KDM4C: variants seen among roughly 807,000 people sequenced by gnomAD.
The protein encoded by KDM4C is lysine-specific demethylase 4C.
KDM4C carries 81 observed loss-of-function variants against 129.3 expected under a neutral mutation model. That is an observed-to-expected ratio of 0.63 (90% CI 0.52 to 0.75). The LOEUF (loss-of-function observed/expected upper bound fraction) is 0.75, where lower values mean the gene tolerates loss of function less well. Among genes scored for constraint, KDM4C ranks in the 30% least tolerant of loss-of-function variants. The probability of loss-of-function intolerance (pLI) is 0.00; values close to 1 mark genes in which losing one functional copy is unlikely to be tolerated. For synonymous variants in KDM4C, 573 were observed against 456.1 expected, an observed-to-expected ratio of 1.26 and a Z score of -3.26; for missense variants, 1,457 against 1,304.0, an observed-to-expected ratio of 1.12 and a Z score of -1.81.
At chr9:7,115,976 A>G (rs1461342895) in intron 18 of KDM4C, among the ~76,000 whole-genome samples, 3 of 152,200 alleles carry the variant, frequency 2.0e-5, no homozygotes, top group Non-Finnish European at 4.4e-5. Context: ...GAAGTGTCAC[A>G]TGTCCTTTCT....
At chr9:6,886,153 T>A (rs1845223718) in intron 6 of KDM4C, among the ~76,000 whole-genome samples, 1 of 152,154 alleles carries the variant, frequency 6.6e-6, no homozygotes, top group African/African-American at 2.4e-5. Context: ...GACATCTTGT[T>A]GTGTGGACAT....
chr9:6,934,963 C>T (rs987233567), intron 8 of KDM4C, among the ~76,000 whole-genome samples: 2 of 150,662 alleles, frequency 1.3e-5, no homozygotes, highest in Non-Finnish European at 1.5e-5. Flanking sequence ...TTTTTTCTTT[C>T]AGTAGTGATT....
At chr9:6,746,446 T>G (rs1817878171) in intron 1 of KDM4C, among the ~76,000 whole-genome samples, 1 of 149,156 alleles carries the variant, frequency 6.7e-6, no homozygotes, top group Non-Finnish European at 1.5e-5. Flanking sequence ...TTTTTGTATT[T>G]TTAGTAGAGA....
In KDM4C at chr9:6,976,639, C is replaced by T. The variant is rs375367395; in HGVS notation, c.922-4286C>T. Among the ~76,000 whole-genome samples, 3 of 152,148 alleles carry T rather than the reference C, an allele frequency of 2.0e-5. No individual in the cohort carries two copies. The East Asian group carries it at 5.8e-4, about 29-fold the overall frequency. ...GCCTTTTTCATGCTGTAGTTCTGAT[C>T]TAATGTGATTTGATTGTGCCTCAAA... is the stretch of plus-strand genomic sequence containing the variant. On this transcript the variant is annotated intron_variant, in intron 8 of 21. Coordinates refer to ENST00000381309, the MANE Select transcript of KDM4C (RefSeq NM_015061.6).
At chr9:6,902,001 C>A (rs971378161) in intron 8 of KDM4C, among the ~76,000 whole-genome samples, 2 of 152,168 alleles carry the variant, frequency 1.3e-5, no homozygotes, top group African/African-American at 4.8e-5. Flanking sequence ...TTTCTGAAAT[C>A]TTCCTGTGAC....
intron 19 of KDM4C, among the ~76,000 whole-genome samples, chr9:7,142,342 C>T (rs1841830350): frequency 6.6e-6 from 1 of 152,150 alleles, no homozygotes; most frequent in Admixed American, 6.5e-5. Context: ...TGTTCTGGAA[C>T]TCCTAAAGCA....
At chr9:7,038,176 A>G (rs1366584845) in intron 15 of KDM4C, among the ~76,000 whole-genome samples, 1 of 152,088 alleles carries the variant, frequency 6.6e-6, no homozygotes, top group African/African-American at 2.4e-5. Context: ...TTAATTTTAA[A>G]TTGTACGTTT....
intron 19 of KDM4C, among the ~76,000 whole-genome samples, chr9:7,159,470 C>T (rs992369747): frequency 2.6e-5 from 4 of 152,116 alleles, no homozygotes; most frequent in African/African-American, 9.7e-5. Flanking sequence ...TGGCTGCTAC[C>T]GGTTGTTTCT....
At chr9:6,850,220 T>G (rs146702184) in intron 5 of KDM4C, among the ~76,000 whole-genome samples, 2,027 of 152,326 alleles carry the variant, frequency 0.013, 41 homozygotes, top group African/African-American at 0.047. Context: ...AAACTATCAC[T>G]GTTATTAAGT....
At chr9:6,900,411 G>A (rs566581873) in intron 8 of KDM4C, among the ~76,000 whole-genome samples, 1 of 152,376 alleles carries the variant, frequency 6.6e-6, no homozygotes, top group East Asian at 1.9e-4. Context: ...CATGAAAGCT[G>A]TAGCTGATGT....
At chr9:7,167,976 G>A in intron 20 of KDM4C, among the ~76,000 whole-genome samples, 1 of 152,218 alleles carries the variant, frequency 6.6e-6, no homozygotes, top group East Asian at 1.9e-4. Flanking sequence ...GAGGTCAGGA[G>A]TTCGAGACCA....
At chr9:6,995,056 GT>G (rs34580499) in intron 12 of KDM4C, among the ~76,000 whole-genome samples, 60,454 of 149,522 alleles carry the variant, frequency 0.4, 12,885 homozygotes, top group South Asian at 0.7. Context: ...CCTGAGAGTG[GT>G]TTTTTTTTTC....
intron 1 of KDM4C, among the ~76,000 whole-genome samples, chr9:6,791,957 G>T (rs907564174): frequency 4.6e-5 from 7 of 152,206 alleles, no homozygotes; most frequent in Non-Finnish European, 1.0e-4. Context: ...GGGAGGTCGA[G>T]GCTGTGGTGT....
intron 17 of KDM4C, among the ~76,000 whole-genome samples, chr9:7,067,855 G>A (rs1246910445): frequency 6.6e-6 from 1 of 152,012 alleles, no homozygotes; most frequent in African/African-American, 2.4e-5. Flanking sequence ...GAGTGCAGTG[G>A]TGCGATCTTG....
At chr9:6,960,300 T>TTC (rs397728314) in intron 8 of KDM4C, among the ~76,000 whole-genome samples, 1 of 150,704 alleles carries the variant, frequency 6.6e-6, no homozygotes, top group African/African-American at 2.4e-5. Context: ...TTTTTTTTTT[T>TTC]AAATACAGGG....
chr9:6,881,983 T>C (rs905373562), intron 6 of KDM4C, among the ~76,000 whole-genome samples: 1 of 152,246 alleles, frequency 6.6e-6, no homozygotes, highest in Non-Finnish European at 1.5e-5. Flanking sequence ...TGTCTGCGCA[T>C]CATAATTATC....
rs747655178 is a variant in KDM4C, at chr9:7,046,869, G to A, written c.2267G>A (p.Cys756Tyr). 4 of 1,606,896 alleles carry A rather than the reference G, an allele frequency of 2.5e-6. No homozygotes were observed. The highest frequency in any genetic ancestry group is 1.1e-5 in the South Asian group (1 of 90,764). Residue 756 changes from cysteine to tyrosine, a missense_variant, in exon 16 of 22, where the codon TGT becomes TAT. By Grantham distance (194) the Cys-to-Tyr change is radical. Coordinates refer to ENST00000381309, the MANE Select transcript of KDM4C (RefSeq NM_015061.6). ...ATTTTCTTTTCCCCCCAGGAATGCT[G>A]TCTCTGCAATTTGAGAGGAGGTGCT... is the stretch of plus-strand genomic sequence containing the variant. ...CKRNAWTAECCLCNLRGGALK... is the reference protein window; with the variant it reads ...CKRNAWTAECYLCNLRGGALK...
chr9:6,903,586 T>TCC (rs1817767590), intron 8 of KDM4C, among the ~76,000 whole-genome samples: 1 of 152,212 alleles, frequency 6.6e-6, no homozygotes, highest in Admixed American at 6.5e-5. Context: ...GTGATTGTTG[T>TCC]AGTGCCAGTT....
chr9:6,980,066 TG>T (rs1235893423), intron 8 of KDM4C, among the ~76,000 whole-genome samples: 1 of 152,216 alleles, frequency 6.6e-6, no homozygotes, highest in African/African-American at 2.4e-5. Flanking sequence ...AGTCTTATTG[TG>T]TCAAAACTGT....
Sources: allele counts gnomAD v4.1 joint callset (sites outside exome capture counted in the v4.1 genomes callset), GRCh38; gene constraint gnomAD v4.1.1; transcripts MANE v1.5; gene names NCBI Gene and HGNC (gene_info 2026-07-23, HGNC 2026-07-21).